Variants in FSTL5 observed in about 807,000 individuals in gnomAD.
FSTL5 encodes follistatin like 5, also known as follistatin-related protein 5.
A neutral mutation model predicts 89.1 loss-of-function variants in FSTL5; 62 were observed. That is an observed-to-expected ratio of 0.70 (90% confidence interval 0.57 to 0.86). FSTL5 has a LOEUF of 0.86. Ranked by LOEUF, FSTL5 falls within the 40% of genes least tolerant of loss-of-function variation. The pLI is 0.00. For missense variants in FSTL5, 1,057 were observed against 1,001.6 expected (o/e 1.06, Z -0.75); for synonymous variants, 383 against 346.2 (o/e 1.11, Z -1.18).
At chr4:162,007,497 G>C (rs954728901) in intron 3 of FSTL5, among the ~76,000 whole-genome samples, 1 of 151,744 alleles carries the variant, frequency 6.6e-6, no homozygotes, top group African/African-American at 2.4e-5. Context: ...TTACATACTT[G>C]AATTTCAGAG....
chr4:161,500,676 G>A (rs1028684696), intron 11 of FSTL5, among the ~76,000 whole-genome samples: 1 of 152,052 alleles, frequency 6.6e-6, no homozygotes, highest in Non-Finnish European at 1.5e-5. Flanking sequence ...TTACATATTA[G>A]TTTTAATATT....
intron 4 of FSTL5, among the ~76,000 whole-genome samples, chr4:161,906,143 G>A (rs1253544171): frequency 6.6e-6 from 1 of 151,948 alleles, no homozygotes; most frequent in African/African-American, 2.4e-5. Context: ...CCAGTCTCCA[G>A]AGGTAGCACA....
chr4:162,027,449 T>C (rs1737338494), intron 3 of FSTL5, among the ~76,000 whole-genome samples: 1 of 152,252 alleles, frequency 6.6e-6, no homozygotes, highest in East Asian at 1.9e-4. Flanking sequence ...TTTTGAATGT[T>C]TGTCAAAGTA....
At chr4:162,151,686 T>C (rs140279208) in intron 1 of FSTL5, among the ~76,000 whole-genome samples, 141 of 152,306 alleles carry the variant, frequency 9.3e-4, no homozygotes, top group African/African-American at 3.2e-3. Flanking sequence ...AGGGTTTCCA[T>C]AGTGTCCTAA....
chr4:161,865,075 T>C (rs1030898430), intron 4 of FSTL5, among the ~76,000 whole-genome samples: 5 of 152,002 alleles, frequency 3.3e-5, no homozygotes, highest in African/African-American at 9.7e-5. Context: ...TGCATTTATA[T>C]AAATGGACCA....
intron 3 of FSTL5, among the ~76,000 whole-genome samples, chr4:161,984,586 T>G (rs2111057938): frequency 6.6e-6 from 1 of 152,226 alleles, no homozygotes; most frequent in South Asian, 2.1e-4. Context: ...AGATTCCACT[T>G]TCTTGCCCAG....
chr4:161,776,214 T>C (rs1741407879), intron 4 of FSTL5, 140 bp from the exon 5 acceptor site: 2 of 470,470 alleles, frequency 4.3e-6, no homozygotes. Context: ...ATTTACAACT[T>C]GTACAAGAAA....
chr4:161,711,514 A>T (rs944354266), intron 6 of FSTL5, among the ~76,000 whole-genome samples: 2 of 152,118 alleles, frequency 1.3e-5, no homozygotes, highest in Non-Finnish European at 2.9e-5. Flanking sequence ...AATTAGTAAT[A>T]TAAAAACTCC....
At chr4:162,070,576 C>T (rs1729577072) in intron 2 of FSTL5, among the ~76,000 whole-genome samples, 1 of 151,640 alleles carries the variant, frequency 6.6e-6, no homozygotes, top group South Asian at 2.1e-4. Context: ...TATATATGTC[C>T]AGTTTTCCTA....
chr4:161,766,774 C>A (rs540118746), intron 5 of FSTL5, among the ~76,000 whole-genome samples: 1 of 152,108 alleles, frequency 6.6e-6, no homozygotes, highest in African/African-American at 2.4e-5. Context: ...GTGTAGACAA[C>A]GGCTGTATAG....
chr4:161,541,431 C>G (rs1731815005), intron 9 of FSTL5, among the ~76,000 whole-genome samples: 1 of 151,898 alleles, frequency 6.6e-6, no homozygotes, highest in Admixed American at 6.6e-5. Flanking sequence ...GACTTTTATT[C>G]ATTTAATTTC....
intron 2 of FSTL5, among the ~76,000 whole-genome samples, chr4:162,046,391 G>C (rs552835967): frequency 6.8e-4 from 104 of 152,242 alleles, no homozygotes; most frequent in Middle Eastern, 6.8e-3. Flanking sequence ...TTAAAGGATG[G>C]CAAAGTAATT....
chr4:162,132,127 C>T (rs1732322827), intron 1 of FSTL5, among the ~76,000 whole-genome samples: 1 of 152,180 alleles, frequency 6.6e-6, no homozygotes, highest in African/African-American at 2.4e-5. Context: ...CTGTGGGTGA[C>T]TATGCAGCAT....
chr4:161,532,262 T>C (rs906372907), intron 10 of FSTL5, among the ~76,000 whole-genome samples: 4 of 152,238 alleles, frequency 2.6e-5, no homozygotes, highest in Admixed American at 6.5e-5. Flanking sequence ...AGCTACTTTA[T>C]GTCTTGCACT....
At chr4:161,857,294 G>A (rs1033180876) in intron 4 of FSTL5, among the ~76,000 whole-genome samples, 4 of 152,258 alleles carry the variant, frequency 2.6e-5, no homozygotes, top group South Asian at 4.1e-4. Context: ...TGTATCTGCT[G>A]ACAGATTGCA....
chr4:161,747,817 T>TTGTTTCTA (rs1486987849), intron 6 of FSTL5, among the ~76,000 whole-genome samples: 1 of 152,192 alleles, frequency 6.6e-6, no homozygotes, highest in African/African-American at 2.4e-5. Context: ...TGTACACACT[T>TTGTTTCTA]TGTTTCTATG....
intron 2 of FSTL5, among the ~76,000 whole-genome samples, chr4:162,053,625 G>T (rs908664531): frequency 1.3e-5 from 2 of 151,686 alleles, no homozygotes; most frequent in Non-Finnish European, 3.0e-5. Flanking sequence ...TGTTTAAGGA[G>T]ATACAGAGAA....
At chr4:161,409,253 GT>G (rs1343093433) in intron 15 of FSTL5, among the ~76,000 whole-genome samples, 1 of 152,106 alleles carries the variant, frequency 6.6e-6, no homozygotes, top group African/African-American at 2.4e-5. Context: ...ACTGGGGCCT[GT>G]TTTCAGTGTT....
chr4:161,444,208 C>A (rs1363335597), intron 15 of FSTL5, among the ~76,000 whole-genome samples: 1 of 151,748 alleles, frequency 6.6e-6, no homozygotes, highest in Non-Finnish European at 1.5e-5. Context: ...AGGCAAGGGG[C>A]CTCAGCTTAG....
Sources: gnomAD v4.1 joint callset for allele counts (sites outside exome capture counted in the v4.1 genomes callset) on GRCh38, gnomAD v4.1.1 for gene constraint, MANE v1.5 for transcripts, NCBI Gene and HGNC (gene_info 2026-07-23, HGNC 2026-07-21) for gene names.